MGAT4C: variants seen among roughly 807,000 people sequenced by gnomAD.
MGAT4C encodes the protein alpha-1,3-mannosyl-glycoprotein 4-beta-N-acetylglucosaminyltransferase C.
MGAT4C carries 19 observed loss-of-function variants against 40.1 expected under a neutral mutation model. The observed-to-expected ratio is 0.47, with a 90% confidence interval of 0.33 to 0.70. The LOEUF (loss-of-function observed/expected upper bound fraction) is 0.70, where lower values mean the gene tolerates loss of function less well. Ranked by LOEUF, MGAT4C falls within the 30% of genes least tolerant of loss-of-function variation. The probability of loss-of-function intolerance (pLI) is 0.02; values close to 1 mark genes in which losing one functional copy is unlikely to be tolerated. For synonymous variants in MGAT4C, 181 were observed against 187.1 expected (o/e 0.97, Z 0.27); for missense variants, 491 against 563.2 (o/e 0.87, Z 1.30).
At chr12:86,709,374 G>T (rs1203935852) in intron 2 of MGAT4C, among the ~76,000 whole-genome samples, 9 of 152,030 alleles carry the variant, frequency 5.9e-5, no homozygotes, top group Non-Finnish European at 1.2e-4. Flanking sequence ...TATCAGCAGT[G>T]TAAAAATGTA....
At chr12:86,551,757 G>A (rs547563284) in intron 2 of MGAT4C, among the ~76,000 whole-genome samples, 2 of 152,072 alleles carry the variant, frequency 1.3e-5, no homozygotes, top group South Asian at 4.1e-4. Context: ...GGCAACACCA[G>A]GCAAAGCTGC....
intron 1 of MGAT4C, among the ~76,000 whole-genome samples, chr12:86,051,980 T>C (rs144475731): frequency 1.3e-5 from 2 of 151,766 alleles, no homozygotes; most frequent in African/African-American, 4.8e-5. Context: ...TGGAGATATG[T>C]TTCATGTAGA....
intron 2 of MGAT4C, among the ~76,000 whole-genome samples, chr12:86,663,754 C>G (rs1964036194): frequency 6.6e-6 from 1 of 152,222 alleles, no homozygotes; most frequent in South Asian, 2.1e-4. Context: ...GATATTATTT[C>G]AGTTCTACTT....
At chr12:86,541,334 A>T (rs1285195994) in intron 2 of MGAT4C, among the ~76,000 whole-genome samples, 1 of 152,200 alleles carries the variant, frequency 6.6e-6, no homozygotes, top group Non-Finnish European at 1.5e-5. Flanking sequence ...GTCAACCAGA[A>T]GTCAGAGCAA....
intron 1 of MGAT4C, among the ~76,000 whole-genome samples, chr12:86,077,548 G>C (rs1310023658): frequency 6.6e-6 from 1 of 152,206 alleles, no homozygotes; most frequent in Admixed American, 6.5e-5. Context: ...CCTCACTTCT[G>C]CAGCTGGTCA....
rs1389391260 is a variant in MGAT4C at position 86,003,966 on chromosome 12, TG to T, written c.-6-14415del. On this transcript the variant is annotated intron_variant, in intron 2 of 4. Coordinates refer to ENST00000611864, the MANE Select transcript of MGAT4C (RefSeq NM_001351288.2). ...TTATGTTAACCTTTACCATTGGCCT[TG>T]ATTATTTAAGAGAACTGAGAGCTTG... Among the ~76,000 whole-genome samples, 89 of 152,276 alleles carry T rather than the reference TG, an allele frequency of 5.8e-4. 1 individual carries two copies. Among genetic ancestry groups the T allele is most frequent in the Non-Finnish European group, 8.8e-5 (6 of 68,010 alleles).
intron 3 of MGAT4C, among the ~76,000 whole-genome samples, chr12:86,405,956 ATTT>A (rs1203235800): frequency 2.7e-4 from 1 of 3,664 alleles, no homozygotes; most frequent in Non-Finnish European, 4.6e-4. Flanking sequence ...ACATGTATGT[ATTT>A]ATATTATACA....
intron 2 of MGAT4C, chr12:86,495,290 G>A (rs1958217563): frequency 6.6e-6 from 1 of 152,044 alleles, no homozygotes; most frequent in African/African-American, 2.4e-5. Context: ...ATGCTTATTC[G>A]AGGAAAAGGA....
intron 3 of MGAT4C, among the ~76,000 whole-genome samples, chr12:86,335,521 G>T (rs1308301860): frequency 6.6e-6 from 1 of 152,004 alleles, no homozygotes; most frequent in Admixed American, 6.6e-5. Flanking sequence ...TGGTAGAATG[G>T]TTTCTTGGGG....
At chr12:86,164,255 G>T (rs1885937091) in intron 1 of MGAT4C, among the ~76,000 whole-genome samples, 1 of 152,154 alleles carries the variant, frequency 6.6e-6, no homozygotes, top group South Asian at 2.1e-4. Context: ...TAATCTATGG[G>T]CTCTGTGTTT....
chr12:86,443,466 T>C (rs1054795158), intron 2 of MGAT4C, among the ~76,000 whole-genome samples: 5 of 152,166 alleles, frequency 3.3e-5, no homozygotes, highest in African/African-American at 1.2e-4. Flanking sequence ...CACTCACTAC[T>C]GCAAAAATCT....
At chr12:86,216,110 C>A (rs1950661964) in intron 1 of MGAT4C, among the ~76,000 whole-genome samples, 1 of 152,050 alleles carries the variant, frequency 6.6e-6, no homozygotes, top group South Asian at 2.1e-4. Flanking sequence ...TACTGGCTAA[C>A]TTTATGTACA....
At chr12:86,083,778 T>C (rs1871266143) in intron 1 of MGAT4C, among the ~76,000 whole-genome samples, 1 of 152,126 alleles carries the variant, frequency 6.6e-6, no homozygotes, top group Non-Finnish European at 1.5e-5. Context: ...TTCATTCATG[T>C]TCAGAAGACT....
chr12:86,646,232 T>C (rs1963540803), intron 2 of MGAT4C, among the ~76,000 whole-genome samples: 1 of 151,856 alleles, frequency 6.6e-6, no homozygotes, highest in African/African-American at 2.4e-5. Context: ...GGTGGTAAAA[T>C]GGCTATGGTT....
At position 86,295,739 on chromosome 12, in the gene MGAT4C, C is replaced by T. The variant is rs569821046; in HGVS notation, c.-57+38326G>A. ...TGAGCTAGATACAAAGGTTCTCCAC[C>T]TCCCCATCAGATTAGTTAGATACAG... is the stretch of plus-strand genomic sequence containing the variant. On this transcript the variant is annotated intron_variant, in intron 4 of 7. Coordinates refer to the MGAT4C transcript ENST00000548651. Among the ~76,000 whole-genome samples the T allele has an allele frequency of 2.2e-3, 335 of 152,052 alleles. 1 individual carries two copies. Among genetic ancestry groups the T allele is most frequent in the African/African-American group, 7.8e-3 (322 of 41,476 alleles).
chr12:86,208,249 T>G (rs1172424375), intron 1 of MGAT4C, among the ~76,000 whole-genome samples: 2 of 152,130 alleles, frequency 1.3e-5, no homozygotes, highest in Non-Finnish European at 2.9e-5. Context: ...GCAGATCACT[T>G]GAGATCAGGA....
At chr12:86,498,880 T>C (rs1475173515) in intron 2 of MGAT4C, among the ~76,000 whole-genome samples, 1 of 151,862 alleles carries the variant, frequency 6.6e-6, no homozygotes, top group African/African-American at 2.4e-5. Flanking sequence ...AAATCACTAG[T>C]GATACTGGAA....
At chr12:86,444,593 T>C (rs1468620518) in intron 2 of MGAT4C, among the ~76,000 whole-genome samples, 8 of 152,210 alleles carry the variant, frequency 5.3e-5, no homozygotes, top group Non-Finnish European at 1.0e-4. Flanking sequence ...ACCATATCGT[T>C]GCAAATCTGA....
chr12:86,300,851 T>C (rs1393294404), intron 4 of MGAT4C, among the ~76,000 whole-genome samples: 1 of 152,070 alleles, frequency 6.6e-6, no homozygotes, highest in Non-Finnish European at 1.5e-5. Context: ...GATAAAAAGT[T>C]ATGTTAGATA....
Sources: gnomAD v4.1 joint callset for allele counts (sites outside exome capture counted in the v4.1 genomes callset) on GRCh38, gnomAD v4.1.1 for gene constraint, MANE v1.5 for transcripts, NCBI Gene and HGNC (gene_info 2026-07-23, HGNC 2026-07-21) for gene names.